RNGTT: variants seen among roughly 807,000 people sequenced by gnomAD.
RNGTT encodes RNA guanylyltransferase and 5'-phosphatase, also known as mRNA-capping enzyme.
A neutral mutation model predicts 79.3 loss-of-function variants in RNGTT; 33 were observed. The observed-to-expected ratio is 0.42, with a 90% confidence interval of 0.32 to 0.56. The LOEUF is 0.56. Ranked by LOEUF, RNGTT falls within the 20% of genes least tolerant of loss-of-function variation. RNGTT has a pLI of 0.17. For synonymous variants in RNGTT, 222 were observed against 235.9 expected, an observed-to-expected ratio of 0.94 and a Z score of 0.54; for missense variants, 497 against 739.1, an observed-to-expected ratio of 0.67 and a Z score of 3.80.
At chr6:88,817,782 C>T (rs549303638) in intron 11 of RNGTT, among the ~76,000 whole-genome samples, 2 of 73,638 alleles carry the variant, frequency 2.7e-5, no homozygotes, top group African/African-American at 4.5e-5. Context: ...TTTTTTGAGA[C>T]GGAGTCTCGC....
At chr6:88,779,699 T>G (rs1778998437) in intron 12 of RNGTT, among the ~76,000 whole-genome samples, 1 of 152,060 alleles carries the variant, frequency 6.6e-6, no homozygotes. Flanking sequence ...ATTATAAAAT[T>G]TTAGAAAATG....
chr6:88,950,640 T>C (rs574990500), intron 1 of RNGTT, among the ~76,000 whole-genome samples: 1 of 152,154 alleles, frequency 6.6e-6, no homozygotes, highest in South Asian at 2.1e-4. Context: ...GCAGATGTAG[T>C]GGAAATAGCA....
chr6:88,803,960 A>G (rs1243087143), intron 11 of RNGTT, among the ~76,000 whole-genome samples: 1 of 152,188 alleles, frequency 6.6e-6, no homozygotes, highest in Non-Finnish European at 1.5e-5. Context: ...ATGGGTCAAA[A>G]TAAGAGTTCC....
rs532484442 is a variant in RNGTT at position 88,888,919 on chromosome 6, T to C, written c.896+1576A>G. Among the ~76,000 whole-genome samples, 4 of 152,210 alleles carry C rather than the reference T, an allele frequency of 2.6e-5. No individual in the cohort carries two copies. In the East Asian group the frequency reaches 7.7e-4, roughly 29 times the overall value. The stretch of plus-strand genomic sequence containing the variant: ...TGGCACATGCCATAAACCCAGCTAC[T>C]TGGGAGGCTGAGGCAGCAGAATCGC... On this transcript the variant is annotated intron_variant, in intron 8 of 15. Transcript: ENST00000369485.
At chr6:88,882,176 CAT>C (rs1782712468) in intron 8 of RNGTT, among the ~76,000 whole-genome samples, 2 of 152,176 alleles carry the variant, frequency 1.3e-5, no homozygotes, top group South Asian at 4.1e-4. Flanking sequence ...GCTGAGGAAA[CAT>C]GTGCCAGAGG....
intron 13 of RNGTT, among the ~76,000 whole-genome samples, chr6:88,738,011 A>C (rs1777342686): frequency 6.6e-6 from 1 of 152,194 alleles, no homozygotes; most frequent in African/African-American, 2.4e-5. Flanking sequence ...CAGTATGAAA[A>C]GGAGGAAGAA....
intron 11 of RNGTT, among the ~76,000 whole-genome samples, chr6:88,812,301 A>T (rs992511378): frequency 6.6e-6 from 1 of 152,194 alleles, no homozygotes; most frequent in Non-Finnish European, 1.5e-5. Context: ...AGAAAATCTC[A>T]AACAAAATTT....
At chr6:88,925,142 C>T (rs1784278542) in intron 4 of RNGTT, among the ~76,000 whole-genome samples, 2 of 151,930 alleles carry the variant, frequency 1.3e-5, no homozygotes, top group South Asian at 4.2e-4. Context: ...CCTGGCTTAT[C>T]CTTGTTAGTA....
At chr6:88,941,322 C>T in intron 1 of RNGTT, 142 bp from the exon 2 acceptor site, 2 of 582,990 alleles carry the variant, frequency 3.4e-6, no homozygotes, top group Non-Finnish European at 3.0e-6. Flanking sequence ...GGATAGAGTG[C>T]AGTGGTGCAA....
At chr6:88,653,097 T>A (rs1773855897) in intron 14 of RNGTT, among the ~76,000 whole-genome samples, 1 of 152,178 alleles carries the variant, frequency 6.6e-6, no homozygotes, top group African/African-American at 2.4e-5. Context: ...TCTCTGAAAT[T>A]CAAGTAAGAG....
intron 13 of RNGTT, among the ~76,000 whole-genome samples, chr6:88,704,831 G>A (rs76022321): frequency 0.016 from 2,416 of 150,108 alleles, 56 homozygotes; most frequent in African/African-American, 0.056. Flanking sequence ...ATTCATCTTG[G>A]CTCTTTCCCA....
intron 2 of RNGTT, among the ~76,000 whole-genome samples, chr6:88,932,934 A>G (rs984725310): frequency 2.0e-5 from 3 of 152,166 alleles, no homozygotes; most frequent in African/African-American, 7.2e-5. Flanking sequence ...TTTATACCAC[A>G]TAGGTTGATG....
At chr6:88,745,210 G>GT (rs1180235817) in intron 13 of RNGTT, among the ~76,000 whole-genome samples, 4 of 152,164 alleles carry the variant, frequency 2.6e-5, no homozygotes, top group African/African-American at 9.6e-5. Flanking sequence ...AGTGATGAAG[G>GT]TTAACATTAC....
chr6:88,634,506 C>T (rs763847882), intron 14 of RNGTT, among the ~76,000 whole-genome samples: 1 of 152,044 alleles, frequency 6.6e-6, no homozygotes, highest in Admixed American at 6.6e-5. Context: ...ACTAAGAATG[C>T]ATAGGGCTAA....
chr6:88,839,771 T>C (rs1177356056), intron 11 of RNGTT, among the ~76,000 whole-genome samples: 1 of 152,196 alleles, frequency 6.6e-6, no homozygotes, highest in South Asian at 2.1e-4. Context: ...ATATAGTCTG[T>C]TCAAATAATT....
intron 6 of RNGTT, among the ~76,000 whole-genome samples, chr6:88,898,160 T>C (rs1783316589): frequency 6.6e-6 from 1 of 152,168 alleles, no homozygotes; most frequent in African/African-American, 2.4e-5. Flanking sequence ...CTAACACAAC[T>C]CAGTCTCCAC....
intron 11 of RNGTT, among the ~76,000 whole-genome samples, chr6:88,826,060 C>T (rs115416581): frequency 0.011 from 1,712 of 152,296 alleles, 15 homozygotes; most frequent in Non-Finnish European, 0.017. Context: ...ACAGCCCACA[C>T]GTTCACATGT....
intron 13 of RNGTT, among the ~76,000 whole-genome samples, chr6:88,719,779 A>G: frequency 6.6e-6 from 1 of 152,218 alleles, no homozygotes; most frequent in Non-Finnish European, 1.5e-5. Context: ...TTTAATTTGA[A>G]GTTCTCAGGG....
At chr6:88,698,256 T>TTTC (rs1461054192) in intron 13 of RNGTT, among the ~76,000 whole-genome samples, 4 of 118,712 alleles carry the variant, frequency 3.4e-5, no homozygotes, top group African/African-American at 1.6e-4. Context: ...GAAATATATA[T>TTTC]ATAAATATAT....
Sources: gnomAD v4.1 joint callset for allele counts (sites outside exome capture counted in the v4.1 genomes callset) on GRCh38, gnomAD v4.1.1 for gene constraint, MANE v1.5 for transcripts, NCBI Gene and HGNC (gene_info 2026-07-23, HGNC 2026-07-21) for gene names.